ARL15: variants seen among roughly 807,000 people sequenced by gnomAD.
The protein encoded by ARL15 is ARF like GTPase 15.
In ARL15, 19 loss-of-function variants were observed where a neutral mutation model predicts 25.2. The ratio of observed to expected loss-of-function variants is 0.75; its 90% CI spans 0.53 to 1.10. The LOEUF (loss-of-function observed/expected upper bound fraction) is 1.10, where lower values mean the gene tolerates loss of function less well. ARL15 is among the 50% of genes least tolerant of loss of function. The probability of loss-of-function intolerance (pLI) is 0.00; values close to 1 mark genes in which losing one functional copy is unlikely to be tolerated. For missense variants in ARL15, 220 were observed against 246.0 expected (o/e 0.89, Z 0.71); for synonymous variants, 94 against 86.8 (o/e 1.08, Z -0.46).
At chr5:53,891,761 C>T (rs1010888067) in intron 4 of ARL15, among the ~76,000 whole-genome samples, 3 of 152,132 alleles carry the variant, frequency 2.0e-5, no homozygotes, top group African/African-American at 7.2e-5. Flanking sequence ...GGGTCAGGAT[C>T]TATCTAAGGA....
chr5:54,238,101 A>G (rs1756859284), intron 1 of ARL15, among the ~76,000 whole-genome samples: 1 of 152,324 alleles, frequency 6.6e-6, no homozygotes, highest in South Asian at 2.1e-4. Context: ...TTTCCATATC[A>G]CTAACTCCCC....
chr5:54,198,136 G>A (rs1300348327), intron 1 of ARL15, among the ~76,000 whole-genome samples: 1 of 152,050 alleles, frequency 6.6e-6, no homozygotes, highest in Non-Finnish European at 1.5e-5. Context: ...GGTATTGATG[G>A]GACTTATCTC....
At chr5:54,154,660 CAT>C (rs1387524551) in intron 2 of ARL15, 21 bp from the exon 3 acceptor site, 12 of 1,447,654 alleles carry the variant, frequency 8.3e-6, no homozygotes, top group Non-Finnish European at 1.0e-5. Context: ...AAAACAAAAA[CAT>C]AAAAAAAGAA....
intron 3 of ARL15, among the ~76,000 whole-genome samples, chr5:54,140,404 G>A (rs541564531): frequency 5.3e-4 from 80 of 149,796 alleles, no homozygotes; most frequent in African/African-American, 1.8e-3. Flanking sequence ...ATATATATGC[G>A]TGTGTGGATA....
chr5:54,007,656 A>G (rs1014656806), intron 4 of ARL15, among the ~76,000 whole-genome samples: 2 of 152,184 alleles, frequency 1.3e-5, no homozygotes, highest in Non-Finnish European at 2.9e-5. Flanking sequence ...AAATAAAAAA[A>G]CTTGGCCAGT....
intron 1 of ARL15, among the ~76,000 whole-genome samples, chr5:54,239,434 CA>C (rs1384552981): frequency 1.3e-5 from 2 of 152,120 alleles, no homozygotes; most frequent in Non-Finnish European, 2.9e-5. Context: ...AGAATCACCT[CA>C]AAGAAATGCT....
intron 4 of ARL15, among the ~76,000 whole-genome samples, chr5:54,055,426 T>C (rs1206650318): frequency 1.4e-5 from 2 of 147,880 alleles, no homozygotes; most frequent in Admixed American, 1.4e-4. Flanking sequence ...TGTGGCGTGA[T>C]CTTGGCTCAC....
chr5:53,927,836 C>G (rs1746077424), intron 4 of ARL15, among the ~76,000 whole-genome samples: 1 of 152,116 alleles, frequency 6.6e-6, no homozygotes, highest in African/African-American at 2.4e-5. Context: ...GGGAAGTGGT[C>G]TCTGGACTCC....
At chr5:54,285,592 C>T (rs773504312) in intron 1 of ARL15, among the ~76,000 whole-genome samples, 1 of 152,092 alleles carries the variant, frequency 6.6e-6, no homozygotes, top group African/African-American at 2.4e-5. Context: ...TGATACAAAG[C>T]AAGATGACAG....
chr5:54,005,150 C>G (rs548358954), intron 4 of ARL15, among the ~76,000 whole-genome samples: 1 of 152,196 alleles, frequency 6.6e-6, no homozygotes, highest in East Asian at 1.9e-4. Context: ...CCACGCCCAG[C>G]CCGTGTTTGT....
chr5:54,047,080 G>T (rs1403583849), intron 4 of ARL15, among the ~76,000 whole-genome samples: 1 of 152,176 alleles, frequency 6.6e-6, no homozygotes, highest in Non-Finnish European at 1.5e-5. Context: ...GTTAGTGAAA[G>T]AGCCAAAATT....
At chr5:54,210,222 T>A (rs1253507707) in intron 1 of ARL15, among the ~76,000 whole-genome samples, 1 of 152,220 alleles carries the variant, frequency 6.6e-6, no homozygotes, top group Non-Finnish European at 1.5e-5. Flanking sequence ...CAAAATATAT[T>A]GTAAGATTCT....
At chr5:54,113,501 A>G (rs1486858866) in intron 3 of ARL15, 91 bp from the exon 4 acceptor site, 1 of 1,225,078 alleles carries the variant, frequency 8.2e-7, no homozygotes, top group Non-Finnish European at 1.1e-6. Context: ...AAACCAATGT[A>G]CCTTTTAAAA....
At position 54,005,913 on chromosome 5, in the gene ARL15, C is replaced by T. The variant is rs970225195; in HGVS notation, c.462+107289G>A. Reference sequence around the variant, plus strand: ...AAATAGCCAGGTGTGGTGGCACATGCCTGTAATCCCAGCTACTCAGGAGGC... The same window carrying T: ...AAATAGCCAGGTGTGGTGGCACATGTCTGTAATCCCAGCTACTCAGGAGGC... On this transcript the variant is annotated intron_variant, in intron 4 of 4. Coordinates refer to ENST00000504924, the MANE Select transcript of ARL15 (RefSeq NM_019087.3). Among the ~76,000 whole-genome samples the T allele has an allele frequency of 2.5e-4, 37 of 150,822 alleles. 1 individual carries two copies. Among genetic ancestry groups the T allele is most frequent in the African/African-American group, 8.5e-4 (35 of 41,062 alleles).
At chr5:54,303,061 T>C (rs1758654058) in intron 1 of ARL15, among the ~76,000 whole-genome samples, 1 of 152,196 alleles carries the variant, frequency 6.6e-6, no homozygotes, top group African/African-American at 2.4e-5. Flanking sequence ...TCCTTCTCTT[T>C]AGTCTACCTT....
intron 1 of ARL15, among the ~76,000 whole-genome samples, chr5:54,217,174 T>C (rs1396194888): frequency 6.7e-6 from 1 of 148,970 alleles, no homozygotes. Flanking sequence ...TCTTTTCCAA[T>C]GGAATTTTAG....
intron 1 of ARL15, among the ~76,000 whole-genome samples, chr5:54,270,453 C>A (rs1051493790): frequency 1.3e-5 from 2 of 152,224 alleles, no homozygotes; most frequent in African/African-American, 2.4e-5. Context: ...ATCACTGCTA[C>A]CTACCATAAC....
At chr5:54,269,940 C>T (rs1295339662) in intron 1 of ARL15, among the ~76,000 whole-genome samples, 2 of 152,194 alleles carry the variant, frequency 1.3e-5, no homozygotes, top group South Asian at 2.1e-4. Context: ...CCACCACGCC[C>T]GGCCTGAGGA....
At chr5:54,064,359 TAAAC>T (rs1751153769) in intron 4 of ARL15, among the ~76,000 whole-genome samples, 1 of 152,072 alleles carries the variant, frequency 6.6e-6, no homozygotes, top group African/African-American at 2.4e-5. Context: ...CCCCCAGCCT[TAAAC>T]AAAAAAGCCC....
Sources: allele counts gnomAD v4.1 joint callset (sites outside exome capture counted in the v4.1 genomes callset), GRCh38; gene constraint gnomAD v4.1.1; transcripts MANE v1.5; gene names NCBI Gene and HGNC (gene_info 2026-07-23, HGNC 2026-07-21).